The following KIF5B variants were observed in gnomAD, a reference collection of about 807,000 sequenced individuals.
The protein encoded by KIF5B is kinesin-1 heavy chain.
Under a neutral mutation model 132.8 loss-of-function variants are expected in KIF5B, and 49 were observed. The ratio of observed to expected loss-of-function variants is 0.37; its 90% CI spans 0.29 to 0.47. KIF5B has a LOEUF of 0.47. Ranked by LOEUF, KIF5B falls within the 20% of genes least tolerant of loss-of-function variation. The pLI is 1.00. For synonymous variants in KIF5B, 355 were observed against 369.4 expected (o/e 0.96, Z 0.45); for missense variants, 780 against 1,144.0 (o/e 0.68, Z 4.59).
At chr10:32,032,673 T>C (rs184295555) in intron 13 of KIF5B, 33 bp downstream of exon 13, 71 of 1,550,242 alleles carry the variant, frequency 4.6e-5, no homozygotes, top group Non-Finnish European at 5.8e-5. Flanking sequence ...TATAAAGCTT[T>C]TCTGGAAGCA....
intron 24 of KIF5B, among the ~76,000 whole-genome samples, chr10:32,016,057 T>C (rs1017752952): frequency 6.6e-6 from 1 of 151,996 alleles, no homozygotes; most frequent in Non-Finnish European, 1.5e-5. Flanking sequence ...GGTGGGAGGA[T>C]TGCATGACCC....
At chr10:32,032,053 C>A (rs1413652806) in intron 13 of KIF5B, among the ~76,000 whole-genome samples, 1 of 151,320 alleles carries the variant, frequency 6.6e-6, no homozygotes, top group Non-Finnish European at 1.5e-5. Flanking sequence ...TGCAGGGATG[C>A]CAAGAGACTA....
At chr10:32,038,121 A>AT in intron 6 of KIF5B, 42 bp downstream of exon 6, 1 of 1,295,118 alleles carries the variant, frequency 7.7e-7, no homozygotes, top group Non-Finnish European at 1.1e-6. Context: ...AAAAAAAAAA[A>AT]AAAGTATTAC....
intron 15 of KIF5B, 58 bp downstream of exon 15, chr10:32,028,370 A>G: frequency 1.4e-6 from 2 of 1,387,116 alleles, no homozygotes; most frequent in Non-Finnish European, 1.0e-6. Flanking sequence ...TATTAGTAGT[A>G]AACAAAAGTG....
intron 25 of KIF5B, 39 bp from the exon 26 acceptor site, chr10:32,011,555 T>C (rs1047346943): frequency 5.3e-5 from 8 of 152,160 alleles, no homozygotes; most frequent in Admixed American, 1.3e-4. Context: ...TATGTTTAGT[T>C]TTACAAAATT....
chr10:32,038,228 A>C lies in KIF5B; in HGVS notation c.443-10T>G. ...AGGTTGGTCTTTGAAACTGAGAAAG[A>C]AAAACAAATGTTAGCAACATTCTCC... On this transcript the variant is annotated splice_polypyrimidine_tract_variant and intron_variant, in intron 5 of 25. Transcript: ENST00000302418. The C allele has an allele frequency of 6.3e-7, 1 of 1,594,414 alleles. No individual in the cohort carries two copies. The highest frequency in any genetic ancestry group is 8.6e-7 in the Non-Finnish European group (1 of 1,164,074).
At chr10:32,018,456 C>G (rs376734662) in intron 21 of KIF5B, 46 bp downstream of exon 21, 45 of 1,591,034 alleles carry the variant, frequency 2.8e-5, no homozygotes, top group Non-Finnish European at 3.8e-5. Flanking sequence ...GTAGAAAAAA[C>G]CCACAAAATA....
intron 1 of KIF5B, among the ~76,000 whole-genome samples, chr10:32,053,723 A>G (rs1841720934): frequency 6.8e-6 from 1 of 147,432 alleles, no homozygotes; most frequent in African/African-American, 2.5e-5. Context: ...AAACTCAAAA[A>G]TATCTCAAAA....
intron 15 of KIF5B, among the ~76,000 whole-genome samples, chr10:32,024,406 G>A (rs1345286655): frequency 3.4e-4 from 51 of 148,064 alleles, no homozygotes; most frequent in African/African-American, 1.1e-3. Context: ...CGCCCGCCTC[G>A]GCCTCCCAAA....
chr10:32,042,452 C>T (rs1292382457), intron 2 of KIF5B, among the ~76,000 whole-genome samples: 2 of 152,182 alleles, frequency 1.3e-5, no homozygotes, highest in Non-Finnish European at 2.9e-5. Context: ...GTAAAAGTCT[C>T]ATCCTATGTG....
At chr10:32,032,127 G>A (rs1040696878) in intron 13 of KIF5B, among the ~76,000 whole-genome samples, 1 of 151,908 alleles carries the variant, frequency 6.6e-6, no homozygotes, top group African/African-American at 2.4e-5. Flanking sequence ...GGAAATCTGT[G>A]GGAGTGTTAA....
intron 2 of KIF5B, among the ~76,000 whole-genome samples, chr10:32,044,544 T>C (rs1276333464): frequency 6.6e-6 from 1 of 152,124 alleles, no homozygotes; most frequent in Non-Finnish European, 1.5e-5. Flanking sequence ...TGGTGGCGCA[T>C]GCCCGTAATC....
At chr10:32,032,077 C>T (rs1388939776) in intron 13 of KIF5B, among the ~76,000 whole-genome samples, 1 of 151,452 alleles carries the variant, frequency 6.6e-6, no homozygotes, top group Non-Finnish European at 1.5e-5. Flanking sequence ...AGGAGAAAAC[C>T]ACAATCATCC....
intron 1 of KIF5B, among the ~76,000 whole-genome samples, chr10:32,053,620 C>A (rs113865984): frequency 1.3e-5 from 2 of 151,354 alleles, no homozygotes; most frequent in African/African-American, 4.8e-5. Context: ...GCTACTGGGG[C>A]GGCTGAGGCA....
At chr10:32,015,762 T>C (rs1841150853) in intron 24 of KIF5B, 103 bp from the exon 25 acceptor site, 1 of 945,652 alleles carries the variant, frequency 1.1e-6, no homozygotes, top group African/African-American at 1.7e-5. Flanking sequence ...CCAAATGTTT[T>C]GTTTTTCTTT....
intron 15 of KIF5B, among the ~76,000 whole-genome samples, chr10:32,028,220 A>G (rs942698288): frequency 6.7e-6 from 1 of 150,016 alleles, no homozygotes; most frequent in South Asian, 2.1e-4. Context: ...AGGTCCAATA[A>G]ATGCCGCCTA....
intron 25 of KIF5B, among the ~76,000 whole-genome samples, chr10:32,014,232 A>C (rs901497291): frequency 5.3e-5 from 8 of 152,196 alleles, no homozygotes; most frequent in Non-Finnish European, 1.0e-4. Context: ...AGCAGGCTAC[A>C]AAATACAAAA....
At position 32,015,569 on chromosome 10, in the gene KIF5B, TG is replaced by T; in HGVS notation, c.2851del (p.Gln951SerfsTer25). 1 of 1,613,674 alleles carries T rather than the reference TG, an allele frequency of 6.2e-7. No homozygotes were observed. Among genetic ancestry groups the T allele is most frequent in the Non-Finnish European group, 8.5e-7 (1 of 1,179,748 alleles). ...RGGGAFVQNS[Q>X]PVAVRGGGGK... ...TCCTCCACCTCGCACTGCCACTGGC[TG>T]GCTGTTCTGAACAAATGCACCTCCT... is the stretch of plus-strand genomic sequence containing the variant. On this transcript the variant is annotated frameshift_variant, in exon 25 of 26. Transcript: ENST00000302418. LOFTEE classifies it high-confidence loss of function.
intron 1 of KIF5B, among the ~76,000 whole-genome samples, chr10:32,049,894 G>T (rs534591693): frequency 6.6e-6 from 1 of 152,152 alleles, no homozygotes; most frequent in Admixed American, 6.6e-5. Flanking sequence ...AGGTAACCAA[G>T]TGGTGCAGAA....
Sources: allele counts gnomAD v4.1 joint callset (sites outside exome capture counted in the v4.1 genomes callset), GRCh38; gene constraint gnomAD v4.1.1; transcripts MANE v1.5; gene names NCBI Gene and HGNC (gene_info 2026-07-23, HGNC 2026-07-21).